ERG: variants seen among roughly 807,000 people sequenced by gnomAD.
The protein encoded by ERG is ETS transcription factor ERG.
ERG carries 9 observed loss-of-function variants against 55.3 expected under a neutral mutation model. The ratio of observed to expected loss-of-function variants is 0.16; its 90% confidence interval spans 0.10 to 0.28. ERG has a LOEUF of 0.28. ERG is among the 10% of genes least tolerant of loss of function. ERG has a pLI of 1.00. For synonymous variants in ERG, 223 were observed against 237.3 expected, an observed-to-expected ratio of 0.94 and a Z score of 0.55; for missense variants, 434 against 631.6, an observed-to-expected ratio of 0.69 and a Z score of 3.35.
intron 1 of ERG, among the ~76,000 whole-genome samples, chr21:38,609,715 G>A (rs2146926112): frequency 6.6e-6 from 1 of 152,340 alleles, no homozygotes. Flanking sequence ...TGTGAAATCT[G>A]TGCTGTATAC....
chr21:38,466,904 T>A (rs2059096199), intron 1 of ERG, among the ~76,000 whole-genome samples: 1 of 152,138 alleles, frequency 6.6e-6, no homozygotes, highest in Non-Finnish European at 1.5e-5. Context: ...AAATCCAACA[T>A]CTTTCACCTG....
intron 2 of ERG, among the ~76,000 whole-genome samples, chr21:38,574,428 T>C (rs34158879): frequency 0.01 from 1,594 of 152,248 alleles, 13 homozygotes; most frequent in Non-Finnish European, 0.018. Context: ...TTGGGCAAAA[T>C]TTAGAATCCT....
chr21:38,534,264 AC>A (rs1274005062), intron 2 of ERG, among the ~76,000 whole-genome samples: 3 of 152,310 alleles, frequency 2.0e-5, no homozygotes, highest in Non-Finnish European at 4.4e-5. Flanking sequence ...CAAGAAAAAA[AC>A]AATTTGTGAT....
chr21:38,455,943 A>T (rs555167164), intron 1 of ERG, among the ~76,000 whole-genome samples: 1 of 149,842 alleles, frequency 6.7e-6, no homozygotes, highest in African/African-American at 2.4e-5. Context: ...TGGGCACTTT[A>T]AGAAGAAGCC....
At position 38,403,009 on chromosome 21, in the gene ERG, C is replaced by T. The variant is rs185674345; in HGVS notation, c.593-372G>A. Among the ~76,000 whole-genome samples, 30 of 152,324 alleles carry T rather than the reference C, an allele frequency of 2.0e-4. 1 individual carries two copies. The highest frequency in any genetic ancestry group is 7.2e-4 in the African/African-American group (30 of 41,582). The stretch of plus-strand genomic sequence containing the variant: ...TTCTGGATTCATGCCAACATGCCAT[C>T]CCTTTCTGTCAGGTTAAGCCGAATC... On this transcript the variant is annotated intron_variant, in intron 4 of 9. Transcript: ENST00000288319.
intron 2 of ERG, among the ~76,000 whole-genome samples, chr21:38,442,035 C>T (rs1046712947): frequency 3.9e-5 from 6 of 152,192 alleles, no homozygotes; most frequent in Admixed American, 2.6e-4. Flanking sequence ...AAGTTTATGA[C>T]GGCAGCAATC....
intron 1 of ERG, among the ~76,000 whole-genome samples, chr21:38,456,900 G>T (rs1404399848): frequency 6.6e-6 from 1 of 152,212 alleles, no homozygotes; most frequent in East Asian, 1.9e-4. Flanking sequence ...CTGAGCTCAT[G>T]CTTTTCCTAT....
chr21:38,623,961 A>G (rs1033865465), intron 1 of ERG, among the ~76,000 whole-genome samples: 2 of 152,190 alleles, frequency 1.3e-5, no homozygotes, highest in African/African-American at 4.8e-5. Context: ...AAGATCCCAG[A>G]GTTACAGTAA....
At chr21:38,639,727 A>G (rs1357827546) in intron 1 of ERG, among the ~76,000 whole-genome samples, 1 of 152,248 alleles carries the variant, frequency 6.6e-6, no homozygotes, top group African/African-American at 2.4e-5. Flanking sequence ...TGATAACAAC[A>G]ATAAGAGCTG....
intron 2 of ERG, among the ~76,000 whole-genome samples, chr21:38,549,798 A>C (rs887139267): frequency 2.0e-5 from 3 of 152,158 alleles, no homozygotes; most frequent in Non-Finnish European, 4.4e-5. Flanking sequence ...CTATTGCTCC[A>C]TTGGAGAGGT....
intron 2 of ERG, among the ~76,000 whole-genome samples, chr21:38,573,547 T>C (rs2059974782): frequency 6.6e-6 from 1 of 152,248 alleles, no homozygotes; most frequent in Admixed American, 6.5e-5. Flanking sequence ...GAAACATACA[T>C]CTGGCCTATG....
At chr21:38,623,050 C>A (rs914014792) in intron 1 of ERG, among the ~76,000 whole-genome samples, 1 of 142,632 alleles carries the variant, frequency 7.0e-6, no homozygotes, top group African/African-American at 2.6e-5. Flanking sequence ...CAAGACCACA[C>A]ACACACATCA....
intron 1 of ERG, among the ~76,000 whole-genome samples, chr21:38,645,392 C>T (rs182273430): frequency 6.6e-6 from 1 of 152,232 alleles, no homozygotes; most frequent in East Asian, 1.9e-4. Context: ...TGTATCATCT[C>T]ATCTGACCCT....
At chr21:38,587,262 G>A (rs1462100056), upstream of ERG, among the ~76,000 whole-genome samples, 1 of 152,112 alleles carries the variant, frequency 6.6e-6, no homozygotes, top group East Asian at 1.9e-4. Flanking sequence ...TCATACATGG[G>A]CCCAAGGAGC....
chr21:38,482,346 G>A (rs1451428698), intron 1 of ERG, among the ~76,000 whole-genome samples: 5 of 152,170 alleles, frequency 3.3e-5, no homozygotes, highest in Non-Finnish European at 7.3e-5. Flanking sequence ...GATGGCTATG[G>A]TCAAAAAGAC....
upstream of ERG, among the ~76,000 whole-genome samples, chr21:38,499,819 G>C (rs1016877207): frequency 1.4e-5 from 2 of 138,266 alleles, no homozygotes; most frequent in African/African-American, 5.3e-5. Context: ...AAGAGAGAGA[G>C]AAAGGAAGGA....
At chr21:38,441,310 C>T (rs1318318298) in intron 2 of ERG, among the ~76,000 whole-genome samples, 1 of 152,140 alleles carries the variant, frequency 6.6e-6, no homozygotes, top group African/African-American at 2.4e-5. Flanking sequence ...GCACAGGTAG[C>T]TAGTCAGTTG....
the ERG span, among the ~76,000 whole-genome samples, chr21:38,373,636 G>T: frequency 6.6e-6 from 1 of 152,176 alleles, no homozygotes; most frequent in African/African-American, 2.4e-5. Flanking sequence ...GTTTTAAGAT[G>T]TATATTACCA....
chr21:38,401,684 C>T (rs998054795), intron 5 of ERG, among the ~76,000 whole-genome samples: 3 of 152,198 alleles, frequency 2.0e-5, no homozygotes, highest in Non-Finnish European at 2.9e-5. Context: ...CTCCCTAGCC[C>T]GAGTGATTGT....
Sources: gnomAD v4.1 joint callset for allele counts (sites outside exome capture counted in the v4.1 genomes callset) on GRCh38, gnomAD v4.1.1 for gene constraint, MANE v1.5 for transcripts, NCBI Gene and HGNC (gene_info 2026-07-23, HGNC 2026-07-21) for gene names.